NFATC4: variants seen among roughly 807,000 people sequenced by gnomAD.
NFATC4 encodes the protein nuclear factor of activated T-cells, cytoplasmic 4.
NFATC4 carries 25 observed loss-of-function variants against 73.4 expected under a neutral mutation model. The observed-to-expected ratio is 0.34, with a 90% CI of 0.25 to 0.48. NFATC4 has a LOEUF of 0.48. NFATC4 is among the 20% of genes least tolerant of loss of function. NFATC4 has a pLI of 0.99. For missense variants in NFATC4, 1,130 were observed against 1,203.7 expected (o/e 0.94, Z 0.91); for synonymous variants, 523 against 510.3 (o/e 1.02, Z -0.34).
intron 6 of NFATC4, 44 bp from the exon 7 acceptor site, chr14:24,375,603 AGGGCAGGGGACAG>A: frequency 6.5e-7 from 1 of 1,539,064 alleles, no homozygotes; most frequent in South Asian, 1.2e-5. Context: ...GCAGAGAACT[AGGGCAGGGGACAG>A]GGGCGCTGGA....
In NFATC4 at chr14:24,368,267, C is replaced by G; in HGVS notation, c.-74C>G. ...AGAGAAAGGGAGGGAGGGAGCCACC[C>G]GGGTGAAGATACAGCAGCCTCCTGA... On this transcript the variant is annotated 5_prime_UTR_variant, in exon 1 of 10. Coordinates refer to ENST00000250373, the MANE Select transcript of NFATC4 (RefSeq NM_004554.5). 1 of 1,353,942 alleles carries G rather than the reference C, an allele frequency of 7.4e-7. No individual in the cohort carries two copies. The highest frequency in any genetic ancestry group is 9.5e-7 in the Non-Finnish European group (1 of 1,050,826). The allele number at this position is 1,353,942 out of a possible 1,614,324, so 83.9% of individuals were successfully genotyped here.
At chr14:24,374,303 C>A (rs1323008712) in intron 5 of NFATC4, 23 bp from the exon 6 acceptor site, 1 of 1,588,984 alleles carries the variant, frequency 6.3e-7, no homozygotes, top group South Asian at 1.1e-5. Flanking sequence ...CCAGCCAGTC[C>A]TCTTCCTTGC....
chr14:24,376,983 T>C lies in NFATC4; in HGVS notation c.2641+105T>C. The C allele has an allele frequency of 7.0e-7, 1 of 1,419,582 alleles. No individual in the cohort carries two copies. Among genetic ancestry groups the C allele is most frequent in the Non-Finnish European group, 9.2e-7 (1 of 1,091,076 alleles). 87.9% of individuals were successfully genotyped at this position (1,419,582 alleles called of 1,614,324 possible). ...CTTTTCAGAGATCGGGCATCCCTGG[T>C]CTCTCAGGGCCAGTTGGAGGTTCCC... On this transcript the variant is annotated intron_variant, in intron 9 of 9. Coordinates refer to ENST00000250373, the MANE Select transcript of NFATC4 (RefSeq NM_004554.5). The surrounding 1 kb of genome is among the most constrained non-coding windows in gnomAD (Gnocchi z 5.0).
In NFATC4 at chr14:24,368,414, C is replaced by G; in HGVS notation, c.74C>G (p.Pro25Arg). 1 of 1,342,252 alleles carries G rather than the reference C, an allele frequency of 7.5e-7. No individual in the cohort carries two copies. Among genetic ancestry groups the G allele is most frequent in the Non-Finnish European group, 9.6e-7 (1 of 1,044,444 alleles). 83.1% of individuals were successfully genotyped at this position (1,342,252 alleles called of 1,614,324 possible). A position where few individuals can be genotyped will look rare whatever the true frequency, so the allele number is the denominator to read the frequency against. Residue 25 changes from proline (P) to arginine (R), a missense_variant, in exon 1 of 10, where the codon CCG (proline) becomes CGG (arginine). This residue lies in a region of NFATC4 where 585 missense variants were observed against 574.3 expected (regional missense o/e 1.02). Transcript: ENST00000250373. The stretch of plus-strand genomic sequence containing the variant: ...TTCGGGGAGGAAAAGGAGGCCCCCC[C>G]GCTGGGCGCGGGGGGATTGGGGGAA... ...LVFGEEKEAPPLGAGGLGEEL... is the reference protein window; with the variant it reads ...LVFGEEKEAPRLGAGGLGEEL...
In NFATC4 at chr14:24,376,497, C is replaced by G; in HGVS notation, c.2260C>G (p.Pro754Ala). The G allele has an allele frequency of 6.2e-7, 1 of 1,613,602 alleles. No homozygotes were observed. The highest frequency in any genetic ancestry group is 1.1e-5 in the South Asian group (1 of 91,028). ...GMPPLYPQTGPPPSYRPGLRM... is the reference protein window; with the variant it reads ...GMPPLYPQTGAPPSYRPGLRM... ...GCCCCCTCTGTACCCCCAGACGGGG[C>G]CCCCACCATCCTACAGACCGGGCCT... The change falls in exon 9 of 10, where the codon CCC (proline) becomes GCC (alanine). Residue 754 changes from proline (P) to alanine (A), a missense_variant. Around this residue, in one of 3 missense-constraint regions of NFATC4, gnomAD observed 390 missense variants for 408.1 expected, o/e 0.96. Transcript: ENST00000250373. The surrounding 1 kb of genome is among the most constrained non-coding windows in gnomAD (Gnocchi z 5.0).
At position 24,368,370 on chromosome 14, in the gene NFATC4, G is replaced by C; in HGVS notation, c.30G>C (p.Glu10Asp). 1 of 1,376,394 alleles carries C rather than the reference G, an allele frequency of 7.3e-7. No individual in the cohort carries two copies. The highest frequency in any genetic ancestry group is 9.4e-7 in the Non-Finnish European group (1 of 1,065,752). 85.3% of individuals were successfully genotyped at this position (1,376,394 alleles called of 1,614,324 possible). The change falls in exon 1 of 10, where the codon GAG becomes GAC. Residue 10 changes from glutamate to aspartate, a missense_variant. Physicochemically the swap from Glu to Asp is conservative, Grantham distance 45. This residue lies in a region of NFATC4 where 585 missense variants were observed against 574.3 expected (regional missense o/e 1.02). Transcript: ENST00000250373. ...GGGCGGCCAGCTGCGAGGATGAGGA[G>C]CTGGAATTTAAGCTGGTGTTCGGGG... MGAASCEDE[E>D]LEFKLVFGEE...
intron 1 of NFATC4, chr14:24,368,961 C>T: frequency 2.1e-6 from 2 of 971,676 alleles, no homozygotes; most frequent in African/African-American, 3.4e-5. Flanking sequence ...CCCCCCTTCC[C>T]CCGGCTGGGC....
In NFATC4 at chr14:24,377,855, C is replaced by A; in HGVS notation, c.*150C>A. ...TGTCTGTCTCACTGTCTTCCCTCCC[C>A]TCCCCCAGCTGAGGTGTGGCCCTCA... is the stretch of plus-strand genomic sequence containing the variant. On this transcript the variant is annotated 3_prime_UTR_variant, in exon 10 of 10. Transcript: ENST00000250373. The surrounding 1 kb of genome is among the most constrained non-coding windows in gnomAD (Gnocchi z 4.2). 6.9e-7 allele frequency: 1 copy of A among 1,448,732 alleles called. No homozygotes were observed. 89.7% of individuals were successfully genotyped at this position (1,448,732 alleles called of 1,614,324 possible).
intron 6 of NFATC4, 53 bp from the exon 7 acceptor site, chr14:24,375,607 C>T: frequency 6.5e-7 from 1 of 1,539,098 alleles, no homozygotes; most frequent in Non-Finnish European, 8.8e-7. Flanking sequence ...AGAACTAGGG[C>T]AGGGGACAGG....
Position 24,368,315 on chromosome 14 carries a change from G to C in NFATC4, c.-26G>C. ...TGAACTCCCCCCTCCCACCCAGGCC[G>C]GGACCTGGGGGCTCCTGCCGGATCC... On this transcript the variant is annotated 5_prime_UTR_variant, in exon 1 of 10. Coordinates refer to ENST00000250373, the MANE Select transcript of NFATC4 (RefSeq NM_004554.5). 7.2e-7 allele frequency: 1 copy of C among 1,386,710 alleles called. No individual in the cohort carries two copies. Among genetic ancestry groups the C allele is most frequent in the Non-Finnish European group, 9.3e-7 (1 of 1,071,416 alleles). 85.9% of individuals were successfully genotyped at this position (1,386,710 alleles called of 1,614,324 possible).
Position 24,373,433 on chromosome 14 carries a change from A to C in NFATC4, c.1559+63A>C. 6.4e-7 allele frequency: 1 copy of C among 1,558,330 alleles called. No homozygotes were observed. Among genetic ancestry groups the C allele is most frequent in the Non-Finnish European group, 8.8e-7 (1 of 1,137,418 alleles). On this transcript the variant is annotated intron_variant, in intron 4 of 9. Transcript: ENST00000250373. The surrounding 1 kb of genome is among the most constrained non-coding windows in gnomAD (Gnocchi z 4.7). ...TGTACTAGCTTTCTCCACTGGGCCT[A>C]TGCTAGCCCACTTCTTCCTTTTCCC... is the stretch of plus-strand genomic sequence containing the variant.
Position 24,375,645 on chromosome 14 carries a change from G to A in NFATC4, c.1874-15G>A. The A allele has an allele frequency of 6.4e-7, 1 of 1,550,512 alleles. No individual in the cohort carries two copies. The highest frequency in any genetic ancestry group is 1.4e-5 in the African/African-American group (1 of 73,170). On this transcript the variant is annotated splice_polypyrimidine_tract_variant and intron_variant, in intron 6 of 9. Coordinates refer to ENST00000250373, the MANE Select transcript of NFATC4 (RefSeq NM_004554.5). ...CGCTGGAGTTGGGCTGCAGCTCTCT[G>A]TTCCCTCTGGACAGATGGGAAGCTG...
chr14:24,369,823 C>G lies in NFATC4; in HGVS notation c.425C>G (p.Ser142Cys), dbSNP rs999791858. 2 of 1,602,012 alleles carry G rather than the reference C, an allele frequency of 1.2e-6. No homozygotes were observed. The highest frequency in any genetic ancestry group is 1.1e-5 in the South Asian group (1 of 89,904). The change falls in exon 2 of 10, where the codon TCT becomes TGT. Residue 142 changes from serine (S) to cysteine (C), a missense_variant. By Grantham distance (112) the Ser-to-Cys change is moderately radical (BLOSUM62 -1). Transcript: ENST00000250373. ...EDNPDAWGDG[S>C]PRDYPPPEGF... The stretch of plus-strand genomic sequence containing the variant: ...AACCCTGATGCCTGGGGGGACGGCT[C>G]TCCTAGAGATTACCCCCCACCAGAA...
chr14:24,373,160 C>T lies in NFATC4; in HGVS notation c.1360-11C>T. ...GATTTCAATGAGGTGGCCGCTCTCT[C>T]CCTCTGCCAGCTCCTAGGCTACAGT... On this transcript the variant is annotated splice_polypyrimidine_tract_variant and intron_variant, in intron 3 of 9. Coordinates refer to ENST00000250373, the MANE Select transcript of NFATC4 (RefSeq NM_004554.5). The surrounding 1 kb of genome is among the most constrained non-coding windows in gnomAD (Gnocchi z 4.7). 1 of 1,613,078 alleles carries T rather than the reference C, an allele frequency of 6.2e-7. No homozygotes were observed. The highest frequency in any genetic ancestry group is 8.5e-7 in the Non-Finnish European group (1 of 1,179,200).
Position 24,370,171 on chromosome 14 carries a change from C to G in NFATC4, c.773C>G (p.Ala258Gly). The G allele has an allele frequency of 6.2e-7, 1 of 1,604,838 alleles. No individual in the cohort carries two copies. The highest frequency in any genetic ancestry group is 8.5e-7 in the Non-Finnish European group (1 of 1,179,766). Residue 258 changes from alanine (A) to glycine (G), a missense_variant, in exon 2 of 10, where the codon GCC becomes GGC. By Grantham distance (60) the Ala-to-Gly change is moderately conservative. Around this residue, in one of 3 missense-constraint regions of NFATC4, gnomAD observed 585 missense variants for 574.3 expected, o/e 1.02. Transcript: ENST00000250373. ...CTCAGTGCTCCTGGGCCCACCCCAGCCTCCCCGCGGCCTGCCTCTCCATGT... is the reference window on the plus strand; with the variant it reads ...CTCAGTGCTCCTGGGCCCACCCCAGGCTCCCCGCGGCCTGCCTCTCCATGT... The part of the protein sequence containing the change: ...LLLSAPGPTP[A>G]SPRPASPCGK...
At position 24,375,998 on chromosome 14, in the gene NFATC4, C is replaced by A; in HGVS notation, c.1953C>A (p.Pro651=). The change falls in exon 8 of 10, where the codon CCC becomes CCA. Residue 651 remains proline (P), a synonymous_variant. Transcript: ENST00000250373. ...SNEVTLTLTV[P]EYSNKRVSRP... ...AGGTGACGCTGACCCTGACTGTCCCCGAGTACAGCAACAAGAGGGTTTCCC... is the reference window on the plus strand; with the variant it reads ...AGGTGACGCTGACCCTGACTGTCCCAGAGTACAGCAACAAGAGGGTTTCCC... 4 of 1,614,006 alleles carry A rather than the reference C, an allele frequency of 2.5e-6. No homozygotes were observed. Among genetic ancestry groups the A allele is most frequent in the Non-Finnish European group, 3.4e-6 (4 of 1,179,960 alleles).
chr14:24,372,238 T>A, intron 2 of NFATC4: 2 of 590,968 alleles, frequency 3.4e-6, no homozygotes, highest in Non-Finnish European at 5.8e-6. Context: ...TTCTGGACTT[T>A]TGGATTTCTT....
In NFATC4 at chr14:24,370,229, A is replaced by G. The variant is rs1025709814; in HGVS notation, c.831A>G (p.Pro277=). The G allele has an allele frequency of 9.3e-6, 15 of 1,611,578 alleles. No homozygotes were observed. In the African/African-American group the frequency reaches 1.6e-4, roughly 17 times the overall value. The change falls in exon 2 of 10, where the codon CCA becomes CCG. Residue 277 remains proline, a synonymous_variant. Coordinates refer to ENST00000250373, the MANE Select transcript of NFATC4 (RefSeq NM_004554.5). The part of the protein sequence containing the change: ...GKRRYSSSGT[P]SSASPALSRR... ...GGCGCTATTCCAGCTCGGGAACCCC[A>G]TCTTCAGCCTCCCCAGCTCTGTCCC...
Position 24,373,247 on chromosome 14 carries a change from A to AT in NFATC4, c.1437dup (p.Ala480CysfsTer19). On this transcript the variant is annotated frameshift_variant, in exon 4 of 10. Coordinates refer to ENST00000250373, the MANE Select transcript of NFATC4 (RefSeq NM_004554.5). LOFTEE classifies it high-confidence loss of function. This position sits in a 1 kb window ranked among gnomAD's most constrained non-coding sequence, Gnocchi z 4.7. ...GCAGATGAAAGGAACCTGCGGCCTC[A>AT]TGCCTTCTATCAGGTGCACCGTATC... The AT allele has an allele frequency of 6.2e-7, 1 of 1,614,202 alleles. No homozygotes were observed. Among genetic ancestry groups the AT allele is most frequent in the Non-Finnish European group, 8.5e-7 (1 of 1,180,044 alleles).
Sources: allele counts gnomAD v4.1 joint callset, GRCh38; gene constraint gnomAD v4.1.1; regional missense constraint gnomAD v4.1.1; non-coding constraint Gnocchi (gnomAD v3.1); transcripts MANE v1.5; gene names NCBI Gene and HGNC (gene_info 2026-07-23, HGNC 2026-07-21).